RASGRP1: variants seen among roughly 807,000 people sequenced by gnomAD.
RASGRP1 encodes RAS guanyl releasing protein 1, also known as RAS guanyl-releasing protein 1.
A neutral mutation model predicts 95.1 loss-of-function variants in RASGRP1; 37 were observed. The ratio of observed to expected loss-of-function variants is 0.39; its 90% CI spans 0.30 to 0.51. RASGRP1 has a LOEUF of 0.51. Among genes scored for constraint, RASGRP1 ranks in the 20% least tolerant of loss-of-function variants. The pLI is 0.80. For synonymous variants in RASGRP1, 325 were observed against 353.4 expected (o/e 0.92, Z 0.90); for missense variants, 711 against 965.4 (o/e 0.74, Z 3.49).
At position 38,505,831 on chromosome 15, in the gene RASGRP1, A is replaced by T; in HGVS notation, c.1323+9T>A. The T allele has an allele frequency of 6.3e-7, 1 of 1,593,094 alleles. No homozygotes were observed. The highest frequency in any genetic ancestry group is 8.6e-7 in the Non-Finnish European group (1 of 1,162,350). On this transcript the variant is annotated intron_variant, in intron 10 of 16. Transcript: ENST00000310803. ...TGTTACATGTGGAGTCTTAATATGA[A>T]AAACTCACTGGAGCTCTGTGGTTCC...
chr15:38,542,853 ATATATATACACATATATGTG>A (rs1435275913), intron 2 of RASGRP1, among the ~76,000 whole-genome samples: 43 of 120,250 alleles, frequency 3.6e-4, no homozygotes, highest in Non-Finnish European at 3.6e-4. Context: ...ATATATGTGT[ATATATATACACATATATGTG>A]TATATATATA....
At position 38,507,710 on chromosome 15, in the gene RASGRP1, C is replaced by G. The variant is rs1170512921; in HGVS notation, c.1242+16G>C. The G allele has an allele frequency of 6.4e-7, 1 of 1,552,066 alleles. No individual in the cohort carries two copies. Among genetic ancestry groups the G allele is most frequent in the East Asian group, 2.4e-5 (1 of 41,112 alleles). ...ACAGAAAGTGCTTAGTAATTGTCCT[C>G]CAGTGTGAGCCTCACCGTCAGCAAG... On this transcript the variant is annotated intron_variant, in intron 9 of 16. Coordinates refer to ENST00000310803, the MANE Select transcript of RASGRP1 (RefSeq NM_005739.4).
At chr15:38,523,031 G>A (rs936493173) in intron 3 of RASGRP1, among the ~76,000 whole-genome samples, 1 of 152,158 alleles carries the variant, frequency 6.6e-6, no homozygotes, top group Non-Finnish European at 1.5e-5. Context: ...GGAATGGAGA[G>A]CAGAGACCAG....
intron 2 of RASGRP1, among the ~76,000 whole-genome samples, chr15:38,532,206 T>C (rs1246255301): frequency 6.6e-6 from 1 of 152,244 alleles, no homozygotes; most frequent in African/African-American, 2.4e-5. Context: ...CAGGGTGTCA[T>C]ACTAAAAATT....
chr15:38,497,555 AACAGCCCCAGT>A (rs1320200182), intron 15 of RASGRP1, among the ~76,000 whole-genome samples: 8 of 152,282 alleles, frequency 5.3e-5, no homozygotes, highest in Admixed American at 1.3e-4. Flanking sequence ...ATAAAGTCCC[AACAGCCCCAGT>A]ACAGCGATCT....
chr15:38,548,129 C>T (rs1197442117), intron 2 of RASGRP1, among the ~76,000 whole-genome samples: 1 of 152,018 alleles, frequency 6.6e-6, no homozygotes, highest in Admixed American at 6.6e-5. Context: ...TCTTTATTTT[C>T]CTCTCCCTTC....
chr15:38,506,635 CA>C (rs370153317), intron 9 of RASGRP1, among the ~76,000 whole-genome samples: 4,276 of 71,610 alleles, frequency 0.06, 79 homozygotes, highest in African/African-American at 0.16. Flanking sequence ...ACCTTGTCTC[CA>C]AAAAAAAAAA....
At chr15:38,551,548 C>A (rs776636430) in intron 2 of RASGRP1, among the ~76,000 whole-genome samples, 3 of 152,074 alleles carry the variant, frequency 2.0e-5, no homozygotes, top group Non-Finnish European at 4.4e-5. Context: ...TTAAGTAAAA[C>A]TGATTAAAAT....
intron 2 of RASGRP1, among the ~76,000 whole-genome samples, chr15:38,546,318 A>G (rs1007111544): frequency 5.9e-5 from 9 of 152,098 alleles, no homozygotes; most frequent in South Asian, 2.1e-4. Context: ...CCTGGGTTCA[A>G]GTGATTCTCT....
intron 3 of RASGRP1, among the ~76,000 whole-genome samples, chr15:38,521,889 C>G (rs1376650699): frequency 6.6e-6 from 1 of 152,074 alleles, no homozygotes; most frequent in Non-Finnish European, 1.5e-5. Context: ...GGAAACTAAG[C>G]GTAAAGAAAG....
chr15:38,518,220 C>T (rs1891862006), intron 5 of RASGRP1, 72 bp downstream of exon 5: 4 of 1,487,932 alleles, frequency 2.7e-6, no homozygotes, highest in Non-Finnish European at 3.7e-6. Flanking sequence ...GGTCAGAAGC[C>T]CAACAAGCAA....
chr15:38,523,739 T>C (rs1352298667), intron 3 of RASGRP1, among the ~76,000 whole-genome samples: 1 of 152,190 alleles, frequency 6.6e-6, no homozygotes. Flanking sequence ...TACTGTACTT[T>C]TTCTATGTTT....
At chr15:38,494,002 G>C (rs1414485206) in intron 16 of RASGRP1, among the ~76,000 whole-genome samples, 1 of 152,164 alleles carries the variant, frequency 6.6e-6, no homozygotes, top group Admixed American at 6.5e-5. Context: ...AAAAGGAGTG[G>C]TATCAGCACA....
At chr15:38,532,048 A>G (rs151251996) in intron 2 of RASGRP1, among the ~76,000 whole-genome samples, 15 of 152,254 alleles carry the variant, frequency 9.9e-5, no homozygotes, top group Admixed American at 4.6e-4. Context: ...CCTTTGAAAG[A>G]CGAGATTTTC....
rs1319790797 is a variant in RASGRP1, at chr15:38,490,111, A to C, written c.*443T>G. ...GTATGCTGGGATACAGAGGAAATCT[A>C]CTTTTGGAATATGGGTAGTTTTCTA... On this transcript the variant is annotated 3_prime_UTR_variant, in exon 17 of 17. Coordinates refer to ENST00000310803, the MANE Select transcript of RASGRP1 (RefSeq NM_005739.4). 6.5e-6 allele frequency: 1 copy of C among 153,076 alleles called. No individual in the cohort carries two copies. The highest frequency in any genetic ancestry group is 2.4e-5 in the African/African-American group (1 of 41,424). The allele number at this position is 153,076 out of a possible 1,614,324, so 9.5% of individuals were successfully genotyped here. A position where few individuals can be genotyped will look rare whatever the true frequency, so the allele number is the denominator to read the frequency against.
At position 38,494,730 on chromosome 15, in the gene RASGRP1, C is replaced by T. The variant is rs2141077032; in HGVS notation, c.1911G>A (p.Glu637=). 8 of 1,513,064 alleles carry T rather than the reference C, an allele frequency of 5.3e-6. No homozygotes were observed. Among genetic ancestry groups the T allele is most frequent in the Non-Finnish European group, 6.2e-6 (7 of 1,133,386 alleles). The allele number at this position is 1,513,064 out of a possible 1,614,324, so 93.7% of individuals were successfully genotyped here. A position where few individuals can be genotyped will look rare whatever the true frequency, so the allele number is the denominator to read the frequency against. The part of the protein sequence containing the change: ...EEGPFTFPNG[E]AVEHGEESKD... ...TACTCTCCTCACCATGTTCCACAGC[C>T]TCCCCATTAGGGAATGTAAAAGGTC... The change falls in exon 16 of 17, where the codon GAG becomes GAA. Residue 637 remains glutamate, a synonymous_variant. Coordinates refer to ENST00000310803, the MANE Select transcript of RASGRP1 (RefSeq NM_005739.4).
In RASGRP1 at chr15:38,511,629, G is replaced by A. The variant is rs369326621; in HGVS notation, c.941C>T (p.Ser314Leu). The stretch of plus-strand genomic sequence containing the variant: ...CTTATTGATTTCATGTGGGACATGC[G>A]AACTTGTCTCCTTGAGCCTCGAGAT... Reference protein sequence around the residue: ...SSISRLKETSSHVPHEINKVL... With the variant: ...SSISRLKETSLHVPHEINKVL... The change falls in exon 8 of 17, where the codon TCG becomes TTG. Residue 314 changes from serine to leucine, a missense_variant. Ser to Leu is a moderately radical substitution (Grantham distance 145). Transcript: ENST00000310803. 44 of 1,613,374 alleles carry A rather than the reference G, an allele frequency of 2.7e-5. No homozygotes were observed. Among genetic ancestry groups the A allele is most frequent in the East Asian group, 6.7e-5 (3 of 44,876 alleles).
chr15:38,548,445 A>G (rs1336909933), intron 2 of RASGRP1, among the ~76,000 whole-genome samples: 1 of 152,146 alleles, frequency 6.6e-6, no homozygotes, highest in Non-Finnish European at 1.5e-5. Flanking sequence ...ATGGTGGCAC[A>G]TGCTTATAGT....
At chr15:38,533,362 G>A (rs60544882) in intron 2 of RASGRP1, among the ~76,000 whole-genome samples, 2,840 of 152,204 alleles carry the variant, frequency 0.019, 78 homozygotes, top group African/African-American at 0.064. Flanking sequence ...AACCTGGTAG[G>A]TATACACACA....
Sources: gnomAD v4.1 joint callset for allele counts (sites outside exome capture counted in the v4.1 genomes callset) on GRCh38, gnomAD v4.1.1 for gene constraint, MANE v1.5 for transcripts, NCBI Gene and HGNC (gene_info 2026-07-23, HGNC 2026-07-21) for gene names.